The following SPAG16 variants were observed in gnomAD, a reference collection of about 807,000 sequenced individuals.
SPAG16 encodes sperm-associated antigen 16 protein.
A neutral mutation model predicts 80.4 loss-of-function variants in SPAG16; 86 were observed. The observed-to-expected ratio is 1.07, with a 90% confidence interval of 0.90 to 1.28. The LOEUF is 1.28. Among genes scored for constraint, SPAG16 ranks in the 50% most tolerant of loss-of-function variants. SPAG16 has a pLI of 0.00. For synonymous variants in SPAG16, 294 were observed against 265.9 expected (o/e 1.11, Z -1.03); for missense variants, 870 against 765.3 (o/e 1.14, Z -1.61).
At chr2:213,760,058 CA>C in intron 10 of SPAG16, among the ~76,000 whole-genome samples, 1 of 151,762 alleles carries the variant, frequency 6.6e-6, no homozygotes, top group Admixed American at 6.6e-5. Flanking sequence ...AAAAAGAATT[CA>C]AAAATAGTAA....
At chr2:213,430,178 A>G (rs559481248) in intron 9 of SPAG16, among the ~76,000 whole-genome samples, 13 of 152,360 alleles carry the variant, frequency 8.5e-5, no homozygotes, top group Middle Eastern at 6.8e-3. Flanking sequence ...GGAAATGAAA[A>G]GTTCATTGAA....
chr2:214,101,915 A>T (rs1314073295), intron 13 of SPAG16, among the ~76,000 whole-genome samples: 1 of 152,126 alleles, frequency 6.6e-6, no homozygotes, highest in Non-Finnish European at 1.5e-5. Context: ...CCATTTCCCT[A>T]TAGTTGTTTA....
chr2:214,360,214 G>A (rs1699095635), intron 15 of SPAG16, among the ~76,000 whole-genome samples: 1 of 151,604 alleles, frequency 6.6e-6, no homozygotes, highest in Non-Finnish European at 1.5e-5. Context: ...AATAACTGAT[G>A]GATTATGAAT....
rs2061501385 is a variant in SPAG16 at position 213,613,485 on chromosome 2, C to T, written c.1070+123395C>T. Among the ~76,000 whole-genome samples, 6 of 152,310 alleles carry T rather than the reference C, an allele frequency of 3.9e-5. No homozygotes were observed. In the South Asian group the frequency reaches 1.2e-3, roughly 32 times the overall value. On this transcript the variant is annotated intron_variant, in intron 10 of 15. Transcript: ENST00000331683. ...GGTAATTCCATTCTCAGGGCCTTTG[C>T]ACTTGCCATTCCTGCCACCTGGAAT...
At chr2:213,691,301 T>C (rs2064936023) in intron 10 of SPAG16, among the ~76,000 whole-genome samples, 1 of 152,176 alleles carries the variant, frequency 6.6e-6, no homozygotes, top group South Asian at 2.1e-4. Context: ...AATCTAGATC[T>C]TCTGAGGCAG....
At chr2:213,902,474 A>AC (rs2077257797) in intron 11 of SPAG16, among the ~76,000 whole-genome samples, 1 of 152,206 alleles carries the variant, frequency 6.6e-6, no homozygotes, top group South Asian at 2.1e-4. Flanking sequence ...CAAAGCAGAA[A>AC]CCCCTAATAA....
At chr2:214,184,915 G>C (rs1301071167) in intron 15 of SPAG16, among the ~76,000 whole-genome samples, 1 of 151,890 alleles carries the variant, frequency 6.6e-6, no homozygotes. Flanking sequence ...TGACAAAATA[G>C]AAATGAAAAT....
At chr2:213,293,325 C>A (rs1048547198) in intron 1 of SPAG16, among the ~76,000 whole-genome samples, 15 of 152,194 alleles carry the variant, frequency 9.9e-5, no homozygotes, top group African/African-American at 3.4e-4. Flanking sequence ...TGAGAATGAA[C>A]TAATACGCAT....
chr2:214,284,175 A>C (rs2125918326), intron 15 of SPAG16, among the ~76,000 whole-genome samples: 1 of 152,320 alleles, frequency 6.6e-6, no homozygotes, highest in East Asian at 1.9e-4. Context: ...CCTCTGAAAG[A>C]GACTGCGTTA....
intron 9 of SPAG16, 135 bp downstream of exon 9, chr2:213,375,254 A>G (rs751619114): frequency 4.9e-5 from 30 of 606,886 alleles, no homozygotes; most frequent in Admixed American, 1.4e-4. Context: ...TGGTTTATAC[A>G]TGGACAGTGG....
At chr2:214,091,810 C>T (rs1319579459) in intron 13 of SPAG16, among the ~76,000 whole-genome samples, 1 of 152,006 alleles carries the variant, frequency 6.6e-6, no homozygotes, top group African/African-American at 2.4e-5. Context: ...CTATCTTCTT[C>T]CCTTTATCCA....
At chr2:213,735,495 C>A (rs1038416471) in intron 10 of SPAG16, among the ~76,000 whole-genome samples, 4 of 152,188 alleles carry the variant, frequency 2.6e-5, no homozygotes, top group African/African-American at 9.7e-5. Context: ...GCTTCTTCCA[C>A]CATGCGATTC....
At chr2:213,837,318 T>C (rs1299685034) in intron 10 of SPAG16, among the ~76,000 whole-genome samples, 1 of 152,226 alleles carries the variant, frequency 6.6e-6, no homozygotes, top group East Asian at 1.9e-4. Context: ...AGGAATTCTT[T>C]TTGTTATGTC....
At chr2:213,421,065 A>G (rs1270042160) in intron 9 of SPAG16, among the ~76,000 whole-genome samples, 1 of 152,130 alleles carries the variant, frequency 6.6e-6, no homozygotes, top group African/African-American at 2.4e-5. Context: ...CTTGCCTCCT[A>G]CCAAGTGGTG....
Position 213,809,309 on chromosome 2 carries a change from C to A in SPAG16, c.1071-53176C>A, listed in dbSNP as rs183099008. 4.0e-4 allele frequency among the ~76,000 whole-genome samples: 61 copies of A among 152,222 alleles called. 1 individual carries two copies. The highest frequency in any genetic ancestry group is 1.4e-3 in the African/African-American group (60 of 41,568). On this transcript the variant is annotated intron_variant, in intron 10 of 15. Coordinates refer to ENST00000331683, the MANE Select transcript of SPAG16 (RefSeq NM_024532.5). The stretch of plus-strand genomic sequence containing the variant: ...TGAGAGATTCTCTGATTCACCCTGG[C>A]TAAGAGAAGAAGTCTTTGGTTCTGT...
chr2:214,262,017 C>T (rs1284904517), intron 15 of SPAG16, among the ~76,000 whole-genome samples: 1 of 151,974 alleles, frequency 6.6e-6, no homozygotes, highest in Non-Finnish European at 1.5e-5. Context: ...TTTTACTGTC[C>T]TTTAGACCTT....
chr2:213,489,903 T>G, intron 9 of SPAG16, 60 bp from the exon 10 acceptor site: 1 of 1,335,196 alleles, frequency 7.5e-7, no homozygotes, highest in South Asian at 1.7e-5. Flanking sequence ...AATCAGAGTA[T>G]CAACCTGTGC....
At chr2:213,997,526 T>C (rs1437262979) in intron 12 of SPAG16, among the ~76,000 whole-genome samples, 2 of 152,238 alleles carry the variant, frequency 1.3e-5, no homozygotes, top group Admixed American at 1.3e-4. Context: ...GTACTTGATC[T>C]ACTGTGGCAA....
intron 12 of SPAG16, among the ~76,000 whole-genome samples, chr2:213,991,739 T>A (rs2046291183): frequency 6.6e-6 from 1 of 152,138 alleles, no homozygotes. Flanking sequence ...GGACTTTTAA[T>A]GGGTGGATTT....
Sources: gnomAD v4.1 joint callset for allele counts (sites outside exome capture counted in the v4.1 genomes callset) on GRCh38, gnomAD v4.1.1 for gene constraint, MANE v1.5 for transcripts, NCBI Gene and HGNC (gene_info 2026-07-23, HGNC 2026-07-21) for gene names.